The following ARHGAP22 variants were observed in gnomAD, a reference collection of about 807,000 sequenced individuals.
ARHGAP22 encodes rho GTPase-activating protein 22.
ARHGAP22 carries 48 observed loss-of-function variants against 59.1 expected under a neutral mutation model. The observed-to-expected ratio is 0.81, with a 90% confidence interval of 0.64 to 1.03. The LOEUF (loss-of-function observed/expected upper bound fraction) is 1.03, where lower values mean the gene tolerates loss of function less well. Ranked by LOEUF, ARHGAP22 falls within the 50% of genes least tolerant of loss-of-function variation. The pLI is 0.00. For synonymous variants in ARHGAP22, 445 were observed against 416.4 expected (o/e 1.07, Z -0.84); for missense variants, 1,015 against 958.7 (o/e 1.06, Z -0.78).
chr10:48,632,939 C>T (rs938687859), intron 1 of ARHGAP22, among the ~76,000 whole-genome samples: 2 of 152,288 alleles, frequency 1.3e-5, no homozygotes, highest in East Asian at 3.9e-4. Flanking sequence ...TACTGCACAA[C>T]GCTGACTATT....
chr10:48,600,917 G>A (rs374639447), intron 1 of ARHGAP22, among the ~76,000 whole-genome samples: 1 of 152,176 alleles, frequency 6.6e-6, no homozygotes, highest in African/African-American at 2.4e-5. Context: ...GCTCTTCTGA[G>A]GCCTCTAGTC....
At chr10:48,638,084 C>G (rs1056636538) in intron 1 of ARHGAP22, among the ~76,000 whole-genome samples, 1 of 152,174 alleles carries the variant, frequency 6.6e-6, no homozygotes, top group African/African-American at 2.4e-5. Context: ...CCTCCTAGAG[C>G]CATTCCCTTA....
chr10:48,530,573 A>T (rs1019752824), intron 3 of ARHGAP22, among the ~76,000 whole-genome samples: 1 of 152,096 alleles, frequency 6.6e-6, no homozygotes, highest in African/African-American at 2.4e-5. Flanking sequence ...AATCAACAAG[A>T]AGAAAACAAA....
At chr10:48,605,180 G>A, upstream of ARHGAP22, 2 of 1,120,090 alleles carry the variant, frequency 1.8e-6, no homozygotes, top group African/African-American at 1.7e-5. Flanking sequence ...AGCCAGAGAC[G>A]CGGGGCGCGG....
At chr10:48,449,570 T>C (rs2045692714) in intron 9 of ARHGAP22, among the ~76,000 whole-genome samples, 1 of 152,216 alleles carries the variant, frequency 6.6e-6, no homozygotes, top group Non-Finnish European at 1.5e-5. Context: ...GTCGGCCAGC[T>C]AACGGGGACC....
chr10:48,527,004 T>C (rs1341898034), intron 3 of ARHGAP22, among the ~76,000 whole-genome samples: 6 of 152,232 alleles, frequency 3.9e-5, no homozygotes, highest in Non-Finnish European at 8.8e-5. Flanking sequence ...TCACTATGTG[T>C]TTCCCACCAT....
At chr10:48,460,043 T>G in intron 4 of ARHGAP22, 152 bp from the exon 5 acceptor site, 1 of 804,776 alleles carries the variant, frequency 1.2e-6, no homozygotes, top group Non-Finnish European at 1.9e-6. Context: ...CAGAAGGCTG[T>G]GCCCTGGCCG....
chr10:48,553,042 GC>G (rs1399579147), intron 3 of ARHGAP22, among the ~76,000 whole-genome samples: 2 of 152,218 alleles, frequency 1.3e-5, no homozygotes, highest in African/African-American at 4.8e-5. Context: ...CCAAGCATGA[GC>G]TTCGAGTGCA....
intron 2 of ARHGAP22, among the ~76,000 whole-genome samples, chr10:48,562,009 G>T (rs1319703548): frequency 6.6e-6 from 1 of 152,146 alleles, no homozygotes; most frequent in Admixed American, 6.5e-5. Flanking sequence ...GGCAGATCAC[G>T]AGGTCAGAAG....
At chr10:48,446,680 G>T (rs2045384803) in intron 9 of ARHGAP22, 61 bp from the exon 10 acceptor site, 1 of 1,500,726 alleles carries the variant, frequency 6.7e-7, no homozygotes, top group Non-Finnish European at 9.1e-7. Context: ...TGTCCCATGG[G>T]TATACCATGC....
At chr10:48,655,317 A>G (rs559842240), upstream of ARHGAP22, among the ~76,000 whole-genome samples, 4 of 146,166 alleles carry the variant, frequency 2.7e-5, no homozygotes, top group Non-Finnish European at 5.9e-5. Flanking sequence ...AATTTTTATC[A>G]GGAACCACCT....
In ARHGAP22 at chr10:48,604,994, T is replaced by C. The variant is rs1387954550; in HGVS notation, c.-198A>G. On this transcript the variant is annotated 5_prime_UTR_variant, in exon 1 of 10. Coordinates refer to ENST00000249601, the MANE Select transcript of ARHGAP22 (RefSeq NM_021226.4). ...TCGCCTTGGACTACATAAACCTCGATGCATTATTTATCCATCCCAGAATTA... is the reference window on the plus strand; with the variant it reads ...TCGCCTTGGACTACATAAACCTCGACGCATTATTTATCCATCCCAGAATTA... 6 of 1,453,414 alleles carry C rather than the reference T, an allele frequency of 4.1e-6. No homozygotes were observed. Among genetic ancestry groups the C allele is most frequent in the African/African-American group, 1.4e-5 (1 of 70,230 alleles). The allele number at this position is 1,453,414 out of a possible 1,614,324, so 90.0% of individuals were successfully genotyped here.
intron 3 of ARHGAP22, among the ~76,000 whole-genome samples, chr10:48,547,810 C>T (rs1040563954): frequency 2.6e-5 from 4 of 152,282 alleles, no homozygotes; most frequent in Admixed American, 6.5e-5. Context: ...GCATCCCGTC[C>T]TGGCCCCTTG....
intron 1 of ARHGAP22, 52 bp downstream of exon 1, chr10:48,604,711 T>C: frequency 1.2e-6 from 2 of 1,614,088 alleles, no homozygotes; most frequent in South Asian, 2.2e-5. Context: ...CCGCGCACGT[T>C]TGCCAAGAGG....
At chr10:48,530,236 C>CAAAAAAAAAAAAAAAAAAAAAAAAA (rs60902650) in intron 3 of ARHGAP22, among the ~76,000 whole-genome samples, 1 of 49,040 alleles carries the variant, frequency 2.0e-5, no homozygotes. Context: ...GACTCCATTG[C>CAAAAAAAAAAAAAAAAAAAAAAAAA]AAAAAAAAAA....
intron 3 of ARHGAP22, among the ~76,000 whole-genome samples, chr10:48,541,566 C>T (rs2055936239): frequency 6.6e-6 from 1 of 152,200 alleles, no homozygotes; most frequent in Non-Finnish European, 1.5e-5. Context: ...CGCTGCAGGA[C>T]AGGCGGCATC....
chr10:48,605,792 G>A (rs777024752), upstream of ARHGAP22, among the ~76,000 whole-genome samples: 29 of 152,148 alleles, frequency 1.9e-4, no homozygotes, highest in Non-Finnish European at 8.8e-5. Context: ...TCAAACTCCT[G>A]AAGCAGGTGC....
intron 1 of ARHGAP22, among the ~76,000 whole-genome samples, chr10:48,623,178 T>A (rs1289629043): frequency 6.6e-6 from 1 of 152,172 alleles, no homozygotes; most frequent in Non-Finnish European, 1.5e-5. Context: ...GAGCTTGGCA[T>A]TATCCTCCTG....
intron 3 of ARHGAP22, chr10:48,523,947 G>C: frequency 1.0e-6 from 1 of 956,044 alleles, no homozygotes; most frequent in African/African-American, 1.7e-5. Flanking sequence ...CAAAGCTGAG[G>C]CAGGTGCGGG....
Sources: allele counts gnomAD v4.1 joint callset (sites outside exome capture counted in the v4.1 genomes callset), GRCh38; gene constraint gnomAD v4.1.1; transcripts MANE v1.5; gene names NCBI Gene and HGNC (gene_info 2026-07-23, HGNC 2026-07-21).